TFB1M: variants seen among roughly 807,000 people sequenced by gnomAD.
The protein encoded by TFB1M is dimethyladenosine transferase 1, mitochondrial.
A neutral mutation model predicts 31.1 loss-of-function variants in TFB1M; 27 were observed. That is an observed-to-expected ratio of 0.87 (90% CI 0.64 to 1.20). TFB1M has a LOEUF of 1.20. TFB1M is among the 50% of genes most tolerant of loss of function. The pLI, the probability that TFB1M is intolerant of heterozygous loss-of-function variation, is 0.00. For missense variants in TFB1M, 394 were observed against 418.7 expected (o/e 0.94, Z 0.51); for synonymous variants, 166 against 151.8 (o/e 1.09, Z -0.69).
At chr6:155,237,845 C>T in the TFB1M span, among the ~76,000 whole-genome samples, 1 of 152,200 alleles carries the variant, frequency 6.6e-6, no homozygotes, top group Non-Finnish European at 1.5e-5. Context: ...TCCTCCTAGG[C>T]CTCCAGGCCT....
At chr6:155,237,270 G>A in the TFB1M span, among the ~76,000 whole-genome samples, 8 of 152,348 alleles carry the variant, frequency 5.3e-5, no homozygotes, top group African/African-American at 1.9e-4. Flanking sequence ...CTCACATCCA[G>A]GTCACACTGA....
intron 5 of TFB1M, among the ~76,000 whole-genome samples, chr6:155,275,448 T>C (rs1002327942): frequency 1.3e-5 from 2 of 152,126 alleles, no homozygotes; most frequent in Non-Finnish European, 2.9e-5. Flanking sequence ...CTCAGACCAG[T>C]CTTCAAGGCC....
At chr6:155,248,406 A>T in the TFB1M span, among the ~76,000 whole-genome samples, 1 of 152,194 alleles carries the variant, frequency 6.6e-6, no homozygotes, top group African/African-American at 2.4e-5. Context: ...AAATGATCTC[A>T]TCCGGGTAGC....
chr6:155,294,700 C>A (rs1777085747), intron 4 of TFB1M, among the ~76,000 whole-genome samples: 1 of 152,176 alleles, frequency 6.6e-6, no homozygotes, highest in South Asian at 2.1e-4. Context: ...CTCATACACA[C>A]TGCTGGTGGG....
chr6:155,276,133 G>T, intron 5 of TFB1M: 1 of 1,614,118 alleles, frequency 6.2e-7, no homozygotes, highest in South Asian at 1.1e-5. Flanking sequence ...CGACAGTGTG[G>T]TACACAAAGG....
At chr6:155,250,291 CTTT>C in the TFB1M span, among the ~76,000 whole-genome samples, 26 of 133,690 alleles carry the variant, frequency 1.9e-4, no homozygotes, top group Non-Finnish European at 1.9e-4. Context: ...TTGATTTTGC[CTTT>C]TTTTTTTTTT....
chr6:155,240,787 C>G, the TFB1M span: 1 of 1,451,474 alleles, frequency 6.9e-7, no homozygotes, highest in South Asian at 1.3e-5. Flanking sequence ...GTCCCCAGAT[C>G]ACCTCTGCCC....
At chr6:155,265,123 C>T (rs532758180) in intron 5 of TFB1M, among the ~76,000 whole-genome samples, 5 of 152,216 alleles carry the variant, frequency 3.3e-5, no homozygotes, top group Non-Finnish European at 7.3e-5. Context: ...TTTCCTGTCC[C>T]GGGCTGTGCT....
chr6:155,240,508 T>C, the TFB1M span: 8 of 1,587,816 alleles, frequency 5.0e-6, no homozygotes, highest in Non-Finnish European at 5.2e-6. Flanking sequence ...TGCATTATTT[T>C]CCACCTCTTG....
At chr6:155,295,759 G>T (rs1294099778) in intron 4 of TFB1M, among the ~76,000 whole-genome samples, 1 of 152,200 alleles carries the variant, frequency 6.6e-6, no homozygotes, top group Admixed American at 6.5e-5. Flanking sequence ...AACATGTACA[G>T]ATTTTTCCCT....
chr6:155,245,755 G>GTTTT, the TFB1M span: 96,843 of 1,007,396 alleles, frequency 0.096, 2,161 homozygotes, highest in Middle Eastern at 0.12. Context: ...GCCTTTTATA[G>GTTTT]TTTTTTTTTT....
intron 4 of TFB1M, among the ~76,000 whole-genome samples, chr6:155,295,181 A>G (rs1777109854): frequency 6.6e-6 from 1 of 152,180 alleles, no homozygotes; most frequent in Admixed American, 6.5e-5. Flanking sequence ...CCTGGCTAAC[A>G]TGGTGAAACC....
At chr6:155,311,561 C>A (rs1344034171) in intron 1 of TFB1M, among the ~76,000 whole-genome samples, 1 of 152,216 alleles carries the variant, frequency 6.6e-6, no homozygotes, top group Non-Finnish European at 1.5e-5. Context: ...CCTTAACACA[C>A]ACAGGATTAT....
At chr6:155,245,516 C>CATTA in the TFB1M span, 1 of 918,072 alleles carries the variant, frequency 1.1e-6, no homozygotes, top group Non-Finnish European at 1.7e-6. Flanking sequence ...TTCTCCAAGG[C>CATTA]ATTAGTGCTA....
intron 5 of TFB1M, among the ~76,000 whole-genome samples, chr6:155,274,135 C>T (rs1456961390): frequency 2.0e-5 from 3 of 152,120 alleles, no homozygotes; most frequent in Admixed American, 6.5e-5. Context: ...TAAGAACTGG[C>T]CCAAGTGTCT....
At chr6:155,243,407 G>A in the TFB1M span, among the ~76,000 whole-genome samples, 664 of 152,324 alleles carry the variant, frequency 4.4e-3, 4 homozygotes, top group African/African-American at 0.015. Flanking sequence ...GCAGTGGCCT[G>A]AAGAAAGGGT....
downstream of TFB1M, chr6:155,254,286 T>A: frequency 9.1e-6 from 11 of 1,204,952 alleles, no homozygotes; most frequent in South Asian, 1.5e-4. Flanking sequence ...GGAGGCCACA[T>A]GGCACTGCTG....
At chr6:155,242,990 G>A in the TFB1M span, among the ~76,000 whole-genome samples, 9 of 151,084 alleles carry the variant, frequency 6.0e-5, no homozygotes, top group Non-Finnish European at 1.0e-4. Flanking sequence ...TGATCCACCC[G>A]CCTCTGCCTC....
chr6:155,294,052 A>G (rs1319818370), intron 4 of TFB1M, among the ~76,000 whole-genome samples: 1 of 152,178 alleles, frequency 6.6e-6, no homozygotes, highest in Non-Finnish European at 1.5e-5. Flanking sequence ...ACCAATGCTT[A>G]TATGATGTAT....
Sources: gnomAD v4.1 joint callset for allele counts (sites outside exome capture counted in the v4.1 genomes callset) on GRCh38, gnomAD v4.1.1 for gene constraint, MANE v1.5 for transcripts, NCBI Gene and HGNC (gene_info 2026-07-23, HGNC 2026-07-21) for gene names.